Variants in UGT1A9 observed in about 807,000 individuals in gnomAD.
UGT1A9 encodes UDP-glucuronosyltransferase 1A9.
A neutral mutation model predicts 45.0 loss-of-function variants in UGT1A9; 35 were observed. The ratio of observed to expected loss-of-function variants is 0.78; its 90% CI spans 0.59 to 1.03. The LOEUF is 1.03. Ranked by LOEUF, UGT1A9 falls within the 50% of genes least tolerant of loss-of-function variation. The pLI is 0.00. For missense variants in UGT1A9, 687 were observed against 666.6 expected (o/e 1.03, Z -0.34); for synonymous variants, 278 against 250.6 (o/e 1.11, Z -1.03).
intron 1 of UGT1A9, chr2:233,755,107 C>A (rs952341644): frequency 1.5e-6 from 2 of 1,333,188 alleles, no homozygotes; most frequent in Non-Finnish European, 2.0e-6. Context: ...TCCGACAACA[C>A]CTCGTAGGCC....
intron 1 of UGT1A9, among the ~76,000 whole-genome samples, chr2:233,763,394 A>G (rs567930530): frequency 6.6e-6 from 1 of 152,328 alleles, no homozygotes; most frequent in South Asian, 2.1e-4. Context: ...TTTAAACAAC[A>G]TGGCACTGGT....
At chr2:233,709,522 C>A (rs575699212) in intron 1 of UGT1A9, among the ~76,000 whole-genome samples, 40 of 152,162 alleles carry the variant, frequency 2.6e-4, no homozygotes, top group African/African-American at 8.9e-4. Context: ...TTTAGGAATT[C>A]TTTTTCCTAC....
intron 1 of UGT1A9, among the ~76,000 whole-genome samples, chr2:233,696,227 A>T (rs2075332487): frequency 1.3e-5 from 2 of 152,270 alleles, no homozygotes; most frequent in South Asian, 4.1e-4. Context: ...CACAGTAGCC[A>T]AAATATGGAA....
intron 1 of UGT1A9, among the ~76,000 whole-genome samples, chr2:233,749,521 C>T (rs1559394435): frequency 6.6e-6 from 1 of 151,908 alleles, no homozygotes; most frequent in East Asian, 1.9e-4. Flanking sequence ...ACTAGCAAGG[C>T]TAATTTTCGA....
intron 1 of UGT1A9, among the ~76,000 whole-genome samples, chr2:233,751,824 C>T (rs377308595): frequency 8.3e-4 from 127 of 152,144 alleles, no homozygotes; most frequent in African/African-American, 2.9e-3. Context: ...GCCTCCCCAG[C>T]CATGTGGAAC....
At chr2:233,715,749 G>A (rs1295869903) in intron 1 of UGT1A9, among the ~76,000 whole-genome samples, 1 of 152,196 alleles carries the variant, frequency 6.6e-6, no homozygotes, top group Non-Finnish European at 1.5e-5. Flanking sequence ...TCCAGCCTGA[G>A]TGACAGAGCG....
intron 1 of UGT1A9, among the ~76,000 whole-genome samples, chr2:233,725,599 G>GT (rs1258851013): frequency 4.6e-5 from 7 of 152,142 alleles, no homozygotes; most frequent in East Asian, 3.9e-4. Context: ...ATTTGACATA[G>GT]TTTTTTCTTG....
At chr2:233,682,533 A>G in intron 1 of UGT1A9, 1 of 1,613,842 alleles carries the variant, frequency 6.2e-7, no homozygotes, top group Non-Finnish European at 8.5e-7. Flanking sequence ...GGGTTCTCAG[A>G]CGCCATGACT....
intron 1 of UGT1A9, among the ~76,000 whole-genome samples, chr2:233,688,751 A>G (rs969172719): frequency 1.3e-5 from 2 of 152,216 alleles, no homozygotes; most frequent in Admixed American, 6.5e-5. Flanking sequence ...TATGGCCATA[A>G]TCAAATGAAC....
chr2:233,762,888 C>T (rs986387218), intron 1 of UGT1A9, among the ~76,000 whole-genome samples: 1 of 152,086 alleles, frequency 6.6e-6, no homozygotes, highest in African/African-American at 2.4e-5. Context: ...TTATAAATTC[C>T]ATGCCAAATA....
At chr2:233,718,625 T>G in intron 1 of UGT1A9, 2 of 913,422 alleles carry the variant, frequency 2.2e-6, no homozygotes, top group Non-Finnish European at 2.6e-6. Context: ...GCGTGATTGG[T>G]CTTTCCCAGG....
intron 1 of UGT1A9, chr2:233,756,198 G>A (rs1023408746): frequency 6.6e-6 from 1 of 152,220 alleles, no homozygotes; most frequent in African/African-American, 2.4e-5. Context: ...TAGCAGAGTA[G>A]TCCCTGGTAT....
intron 1 of UGT1A9, among the ~76,000 whole-genome samples, chr2:233,717,417 G>C (rs2076571839): frequency 6.6e-6 from 1 of 152,224 alleles, no homozygotes; most frequent in Non-Finnish European, 1.5e-5. Flanking sequence ...CCTCCCTTGA[G>C]CTGGGTGTCC....
chr2:233,697,297 C>T (rs2075383604), intron 1 of UGT1A9, among the ~76,000 whole-genome samples: 1 of 152,076 alleles, frequency 6.6e-6, no homozygotes, highest in African/African-American at 2.4e-5. Context: ...CTTCTTCATT[C>T]AATCTTGGTA....
At chr2:233,689,490 A>G (rs943667421) in intron 1 of UGT1A9, among the ~76,000 whole-genome samples, 8 of 152,220 alleles carry the variant, frequency 5.3e-5, no homozygotes, top group Admixed American at 3.9e-4. Context: ...GAAATCGCAA[A>G]TCAATACGCA....
In UGT1A9 at chr2:233,713,094, C is replaced by G. The variant is rs1375796840; in HGVS notation, c.855+40305C>G. ...TGAGAGTGGGAAGGTGCTGGTGGTG[C>G]CCACTGATGGCAGCCACTGGCTCAG... On this transcript the variant is annotated intron_variant, in intron 1 of 4. Coordinates refer to ENST00000354728, the MANE Select transcript of UGT1A9 (RefSeq NM_021027.3). 2.5e-6 allele frequency: 4 copies of G among 1,614,034 alleles called. No individual in the cohort carries two copies. The highest frequency in any genetic ancestry group is 3.3e-5 in the Admixed American group (2 of 60,002).
At chr2:233,689,523 A>G (rs189708973) in intron 1 of UGT1A9, among the ~76,000 whole-genome samples, 31 of 152,380 alleles carry the variant, frequency 2.0e-4, no homozygotes, top group African/African-American at 7.5e-4. Flanking sequence ...TGGTTTGGTC[A>G]TGAGAAGTGA....
At chr2:233,764,883 A>C (rs1698677013) in intron 1 of UGT1A9, among the ~76,000 whole-genome samples, 1 of 152,176 alleles carries the variant, frequency 6.6e-6, no homozygotes, top group Non-Finnish European at 1.5e-5. Context: ...GGGAAAAGGC[A>C]AAGACAAAGC....
At chr2:233,712,503 G>T (rs2076237621) in intron 1 of UGT1A9, among the ~76,000 whole-genome samples, 1 of 152,214 alleles carries the variant, frequency 6.6e-6, no homozygotes, top group Non-Finnish European at 1.5e-5. Flanking sequence ...TAGCAATGTT[G>T]TCTGCATTTT....
Sources: gnomAD v4.1 joint callset for allele counts (sites outside exome capture counted in the v4.1 genomes callset) on GRCh38, gnomAD v4.1.1 for gene constraint, MANE v1.5 for transcripts, NCBI Gene and HGNC (gene_info 2026-07-23, HGNC 2026-07-21) for gene names.